The following ATAD2B variants were observed in gnomAD, a reference collection of about 807,000 sequenced individuals.
The protein encoded by ATAD2B is ATPase family AAA domain containing 2B.
Under a neutral mutation model 167.6 loss-of-function variants are expected in ATAD2B, and 40 were observed. That is an observed-to-expected ratio of 0.24 (90% CI 0.19 to 0.31). The LOEUF is 0.31. Ranked by LOEUF, ATAD2B falls within the 10% of genes least tolerant of loss-of-function variation. The pLI, the probability that ATAD2B is intolerant of heterozygous loss-of-function variation, is 1.00. For synonymous variants in ATAD2B, 579 were observed against 596.5 expected (o/e 0.97, Z 0.43); for missense variants, 1,242 against 1,757.2 (o/e 0.71, Z 5.24).
intron 13 of ATAD2B, among the ~76,000 whole-genome samples, chr2:23,851,035 A>G (rs1260227831): frequency 6.6e-6 from 1 of 152,184 alleles, no homozygotes. Context: ...CAGAACCAGA[A>G]AGCAGGTCCT....
intron 13 of ATAD2B, among the ~76,000 whole-genome samples, chr2:23,840,875 A>G (rs1690783060): frequency 6.6e-6 from 1 of 152,112 alleles, no homozygotes; most frequent in Non-Finnish European, 1.5e-5. Flanking sequence ...TGTTTTACAT[A>G]GTTTGAACTA....
At position 23,926,975 on chromosome 2, in the gene ATAD2B, G is replaced by C. The variant is rs972367695; in HGVS notation, c.-205C>G. The C allele has an allele frequency of 1.5e-5, 9 of 595,368 alleles. No homozygotes were observed. The African/African-American group carries it at 1.8e-4, about 12-fold the overall frequency. 36.9% of individuals were successfully genotyped at this position (595,368 alleles called of 1,614,324 possible). A position where few individuals can be genotyped will look rare whatever the true frequency, so the allele number is the denominator to read the frequency against. ...GAGCAGGCGGCGTGCGGGAAGCGGGGGCGGTGCTGCAGACCGGCAGCACAG... is the reference window on the plus strand; with the variant it reads ...GAGCAGGCGGCGTGCGGGAAGCGGGCGCGGTGCTGCAGACCGGCAGCACAG... On this transcript the variant is annotated 5_prime_UTR_variant, in exon 1 of 28. Transcript: ENST00000238789.
At chr2:23,691,317 G>A in the ATAD2B span, 434 of 291,002 alleles carry the variant, frequency 1.5e-3, 4 homozygotes, top group Admixed American at 0.013. Flanking sequence ...GGGATGCGTC[G>A]GCCTGCTTTG....
intron 8 of ATAD2B, among the ~76,000 whole-genome samples, chr2:23,875,094 CA>C (rs1696631855): frequency 1.3e-5 from 2 of 148,966 alleles, no homozygotes; most frequent in African/African-American, 4.9e-5. Context: ...GAAAAAGTAT[CA>C]AAGATTAACT....
chr2:23,711,715 T>A, the ATAD2B span, among the ~76,000 whole-genome samples: 1 of 152,074 alleles, frequency 6.6e-6, no homozygotes, highest in Admixed American at 6.6e-5. Flanking sequence ...GTGAAGATCA[T>A]CTCCTATTTT....
chr2:23,924,370 T>C (rs992564735), intron 1 of ATAD2B, among the ~76,000 whole-genome samples: 15 of 152,198 alleles, frequency 9.9e-5, no homozygotes, highest in African/African-American at 3.4e-4. Flanking sequence ...CAAATGCTTA[T>C]TACAGACCCC....
chr2:23,793,778 A>C (rs1682174298), intron 19 of ATAD2B, among the ~76,000 whole-genome samples: 1 of 152,182 alleles, frequency 6.6e-6, no homozygotes, highest in African/African-American at 2.4e-5. Context: ...GTAACACCTG[A>C]AAGTGCTAGT....
At chr2:23,734,082 T>C in the ATAD2B span, among the ~76,000 whole-genome samples, 2 of 152,312 alleles carry the variant, frequency 1.3e-5, no homozygotes, top group East Asian at 3.9e-4. Flanking sequence ...TTCCATGCAT[T>C]ACTAGGTTGG....
the ATAD2B span, among the ~76,000 whole-genome samples, chr2:23,738,365 A>C: frequency 6.6e-6 from 1 of 152,246 alleles, no homozygotes; most frequent in Non-Finnish European, 1.5e-5. Flanking sequence ...CAGAAACTCT[A>C]CCAGCCAGAA....
At chr2:23,854,105 C>T (rs1692984667) in intron 13 of ATAD2B, among the ~76,000 whole-genome samples, 1 of 151,678 alleles carries the variant, frequency 6.6e-6, no homozygotes, top group African/African-American at 2.4e-5. Flanking sequence ...ATTCGCCAGG[C>T]ATGGTAGCAC....
At chr2:23,682,941 A>G in the ATAD2B span, among the ~76,000 whole-genome samples, 1 of 152,056 alleles carries the variant, frequency 6.6e-6, no homozygotes, top group Non-Finnish European at 1.5e-5. The surrounding 1 kb of genome is among the most constrained non-coding windows in gnomAD (Gnocchi z 4.1). Flanking sequence ...ATCCCTGAAC[A>G]TGCATGTGGC....
intron 14 of ATAD2B, among the ~76,000 whole-genome samples, chr2:23,829,459 A>G (rs886180764): frequency 6.6e-6 from 1 of 152,232 alleles, no homozygotes; most frequent in African/African-American, 2.4e-5. Context: ...GTTTAATTAA[A>G]TATCATGCAT....
intron 12 of ATAD2B, among the ~76,000 whole-genome samples, chr2:23,861,940 C>A (rs1490549226): frequency 6.6e-6 from 1 of 152,168 alleles, no homozygotes; most frequent in African/African-American, 2.4e-5. Flanking sequence ...GAGGCTCATG[C>A]CTATAATCCC....
At chr2:23,838,606 G>T (rs1690377239) in intron 13 of ATAD2B, among the ~76,000 whole-genome samples, 1 of 152,130 alleles carries the variant, frequency 6.6e-6, no homozygotes, top group South Asian at 2.1e-4. Context: ...TAAAAGTGTT[G>T]TTTCACCTTT....
intron 1 of ATAD2B, among the ~76,000 whole-genome samples, chr2:23,904,812 T>C (rs1052678051): frequency 9.2e-5 from 14 of 152,142 alleles, no homozygotes; most frequent in Admixed American, 3.3e-4. Flanking sequence ...CAAGAAAGCT[T>C]AGAAGTGCAG....
At chr2:23,890,240 C>CA (rs1332386832) in intron 2 of ATAD2B, among the ~76,000 whole-genome samples, 3 of 151,622 alleles carry the variant, frequency 2.0e-5, no homozygotes, top group Non-Finnish European at 2.9e-5. Context: ...TAATAAATAA[C>CA]AAAAAACAAA....
At chr2:23,767,240 C>T (rs1319348456) in intron 22 of ATAD2B, among the ~76,000 whole-genome samples, 1 of 152,100 alleles carries the variant, frequency 6.6e-6, no homozygotes, top group East Asian at 1.9e-4. Flanking sequence ...ACCATTTTTC[C>T]CGCCAAAACA....
chr2:23,842,405 T>C (rs1246209681), intron 13 of ATAD2B, among the ~76,000 whole-genome samples: 1 of 152,162 alleles, frequency 6.6e-6, no homozygotes, highest in East Asian at 1.9e-4. Context: ...CTATGCATTA[T>C]AATACATGAA....
At chr2:23,917,760 T>A (rs1703261120) in intron 1 of ATAD2B, among the ~76,000 whole-genome samples, 1 of 151,740 alleles carries the variant, frequency 6.6e-6, no homozygotes, top group Non-Finnish European at 1.5e-5. Flanking sequence ...GACTCCTGTC[T>A]GGAAAAATAA....
Sources: gnomAD v4.1 joint callset for allele counts (sites outside exome capture counted in the v4.1 genomes callset) on GRCh38, gnomAD v4.1.1 for gene constraint, Gnocchi (gnomAD v3.1) non-coding constraint, MANE v1.5 for transcripts, NCBI Gene and HGNC (gene_info 2026-07-23, HGNC 2026-07-21) for gene names.